PDE4B: variants seen among roughly 807,000 people sequenced by gnomAD.
PDE4B encodes the protein 3',5'-cyclic-AMP phosphodiesterase 4B.
A neutral mutation model predicts 82.2 loss-of-function variants in PDE4B; 20 were observed. That is an observed-to-expected ratio of 0.24 (90% CI 0.17 to 0.35). The LOEUF is 0.35. PDE4B is among the 10% of genes least tolerant of loss of function. The pLI is 1.00. For missense variants in PDE4B, 655 were observed against 907.2 expected (o/e 0.72, Z 3.57); for synonymous variants, 320 against 318.9 (o/e 1.00, Z -0.04).
chr1:65,903,600 TA>T (rs1646995954), intron 1 of PDE4B, among the ~76,000 whole-genome samples: 2 of 152,014 alleles, frequency 1.3e-5, no homozygotes, highest in African/African-American at 2.4e-5. Flanking sequence ...TTAAAAAATT[TA>T]AAAAAACAAA....
chr1:66,218,227 G>T (rs1043616874), intron 3 of PDE4B, among the ~76,000 whole-genome samples: 1 of 152,118 alleles, frequency 6.6e-6, no homozygotes, highest in Non-Finnish European at 1.5e-5. Context: ...GAGGAAGCTA[G>T]GTTACTCCTA....
chr1:66,363,418 C>T lies in PDE4B; in HGVS notation c.1131C>T (p.Leu377=), dbSNP rs552715871. The T allele has an allele frequency of 2.0e-5, 32 of 1,612,674 alleles. No individual in the cohort carries two copies. In the South Asian group the frequency reaches 3.4e-4, roughly 17 times the overall value. ...IMYAIFQERD[L]LKTFRISSDT... ...ATTTTACAACACAGGAAAGAGACCT[C>T]CTAAAGACATTCAGAATCTCATCTG... Residue 377 remains leucine, a synonymous_variant, in exon 12 of 17, where the codon CTC becomes CTT. Transcript: ENST00000341517.
chr1:66,089,603 A>G (rs919393355), intron 3 of PDE4B, among the ~76,000 whole-genome samples: 5 of 151,918 alleles, frequency 3.3e-5, no homozygotes, highest in African/African-American at 1.2e-4. Flanking sequence ...TTTTTTTTTC[A>G]TAGGTATCCT....
Position 66,247,501 on chromosome 1 carries a change from T to A in PDE4B, c.323T>A (p.Leu108Gln), listed in dbSNP as rs1479846235. 1 of 1,603,112 alleles carries A rather than the reference T, an allele frequency of 6.2e-7. No individual in the cohort carries two copies. The highest frequency in any genetic ancestry group is 8.5e-7 in the Non-Finnish European group (1 of 1,175,890). ...GGCCCTTCCCCAGGTCGGAGTCCAC[T>A]GGATCCCCAGGCCAGCTCTTCCGCT... is the stretch of plus-strand genomic sequence containing the variant. ...ENGPSPGRSP[L>Q]DPQASSSAGL... Residue 108 changes from leucine (L) to glutamine (Q), a missense_variant, in exon 4 of 17, where the codon CTG (leucine) becomes CAG (glutamine). Coordinates refer to ENST00000341517, the MANE Select transcript of PDE4B (RefSeq NM_002600.4).
chr1:66,081,824 C>CTG (rs1553142763), intron 3 of PDE4B, among the ~76,000 whole-genome samples: 5 of 111,986 alleles, frequency 4.5e-5, no homozygotes, highest in African/African-American at 1.8e-4. Context: ...CTCTCTCTCT[C>CTG]TCTCTCTCTG....
At chr1:65,836,830 A>C (rs1448318020) in intron 1 of PDE4B, among the ~76,000 whole-genome samples, 1 of 152,166 alleles carries the variant, frequency 6.6e-6, no homozygotes, top group African/African-American at 2.4e-5. Context: ...TTGGATCTTC[A>C]TGAAGGCAAA....
At chr1:66,340,494 C>G (rs1660895777) in intron 8 of PDE4B, among the ~76,000 whole-genome samples, 2 of 152,082 alleles carry the variant, frequency 1.3e-5, no homozygotes, top group African/African-American at 4.8e-5. Flanking sequence ...GTTTTGAAAT[C>G]TAGAGCCCCC....
chr1:66,248,002 T>C (rs6661245), intron 4 of PDE4B, among the ~76,000 whole-genome samples: 31,965 of 152,108 alleles, frequency 0.21, 6,938 homozygotes, highest in African/African-American at 0.54. Flanking sequence ...ATTTCAGCTG[T>C]GTGTGCAGTT....
intron 2 of PDE4B, among the ~76,000 whole-genome samples, chr1:65,917,066 A>T (rs1001234870): frequency 2.0e-5 from 3 of 152,210 alleles, no homozygotes; most frequent in African/African-American, 7.2e-5. Context: ...ATCGAAGTAT[A>T]GTCTTGCATG....
At chr1:65,802,044 A>C (rs764597004) in intron 1 of PDE4B, among the ~76,000 whole-genome samples, 1 of 152,332 alleles carries the variant, frequency 6.6e-6, no homozygotes, top group South Asian at 2.1e-4. Flanking sequence ...TTTTTGCTTT[A>C]AGCCGTGTGA....
intron 3 of PDE4B, among the ~76,000 whole-genome samples, chr1:65,980,317 T>G (rs902247415): frequency 6.6e-6 from 1 of 152,192 alleles, no homozygotes; most frequent in Non-Finnish European, 1.5e-5. Flanking sequence ...TTATACATAA[T>G]GTACTGTAAC....
intron 3 of PDE4B, among the ~76,000 whole-genome samples, chr1:66,134,281 G>A (rs1202037268): frequency 6.6e-6 from 1 of 152,190 alleles, no homozygotes; most frequent in Non-Finnish European, 1.5e-5. Flanking sequence ...AAGCAATTAT[G>A]TGGTCATTTA....
chr1:66,156,214 C>A (rs758014302), intron 3 of PDE4B, among the ~76,000 whole-genome samples: 3 of 152,058 alleles, frequency 2.0e-5, no homozygotes, highest in Non-Finnish European at 2.9e-5. Flanking sequence ...TGAAAGGAAC[C>A]TAAAAGGGTG....
At chr1:66,208,407 A>G (rs1649742433) in intron 3 of PDE4B, among the ~76,000 whole-genome samples, 1 of 152,204 alleles carries the variant, frequency 6.6e-6, no homozygotes, top group South Asian at 2.1e-4. Flanking sequence ...CTTCTAGCTA[A>G]CTGTTCTAGC....
chr1:66,258,293 A>G (rs756764436), intron 6 of PDE4B, among the ~76,000 whole-genome samples: 1 of 152,232 alleles, frequency 6.6e-6, no homozygotes, highest in Non-Finnish European at 1.5e-5. Flanking sequence ...TTGATTGTCT[A>G]TAAACAAGTT....
chr1:66,129,616 C>T (rs376520707), intron 3 of PDE4B, among the ~76,000 whole-genome samples: 25 of 146,984 alleles, frequency 1.7e-4, no homozygotes, highest in Non-Finnish European at 3.1e-4. Context: ...GCCGAGATCC[C>T]GCCACTGCAC....
chr1:66,341,627 GT>G (rs964298376), intron 8 of PDE4B, among the ~76,000 whole-genome samples: 2 of 152,134 alleles, frequency 1.3e-5, no homozygotes, highest in African/African-American at 2.4e-5. Flanking sequence ...CAATGTCAAA[GT>G]TTAGGTAGTA....
chr1:66,289,386 C>T (rs914733886), intron 7 of PDE4B, among the ~76,000 whole-genome samples: 7 of 152,008 alleles, frequency 4.6e-5, no homozygotes, highest in Non-Finnish European at 8.8e-5. Flanking sequence ...TAAAAGGGCA[C>T]GGTATTGCTC....
chr1:65,835,497 C>T (rs552710924), intron 1 of PDE4B, among the ~76,000 whole-genome samples: 1 of 152,180 alleles, frequency 6.6e-6, no homozygotes, highest in South Asian at 2.1e-4. Context: ...GAAGCCAAGA[C>T]CAATTAGGTG....
Sources: gnomAD v4.1 joint callset for allele counts (sites outside exome capture counted in the v4.1 genomes callset) on GRCh38, gnomAD v4.1.1 for gene constraint, MANE v1.5 for transcripts, NCBI Gene and HGNC (gene_info 2026-07-23, HGNC 2026-07-21) for gene names.